PDE1C: variants seen among roughly 807,000 people sequenced by gnomAD.
PDE1C encodes the protein phosphodiesterase 1C.
PDE1C carries 62 observed loss-of-function variants against 93.1 expected under a neutral mutation model. That is an observed-to-expected ratio of 0.67 (90% CI 0.54 to 0.82). The LOEUF is 0.82. PDE1C is among the 40% of genes least tolerant of loss of function. The pLI, the probability that PDE1C is intolerant of heterozygous loss-of-function variation, is 0.00. For synonymous variants in PDE1C, 325 were observed against 310.1 expected (o/e 1.05, Z -0.50); for missense variants, 742 against 884.6 (o/e 0.84, Z 2.04).
At chr7:32,171,738 A>G (rs1016566410) in intron 2 of PDE1C, among the ~76,000 whole-genome samples, 2 of 151,244 alleles carry the variant, frequency 1.3e-5, no homozygotes, top group Non-Finnish European at 2.9e-5. Context: ...TGACAATACT[A>G]CATCATTTTA....
At chr7:32,112,451 T>C (rs1798694039) in intron 3 of PDE1C, among the ~76,000 whole-genome samples, 1 of 152,116 alleles carries the variant, frequency 6.6e-6, no homozygotes, top group South Asian at 2.1e-4. Context: ...AACCTAATTT[T>C]AGTTTTCTTT....
chr7:32,093,531 C>A (rs966198528), intron 3 of PDE1C, among the ~76,000 whole-genome samples: 1 of 152,184 alleles, frequency 6.6e-6, no homozygotes, highest in Non-Finnish European at 1.5e-5. Flanking sequence ...GATTCAACTG[C>A]TTAGAAATGT....
At chr7:31,717,181 A>G in the PDE1C span, among the ~76,000 whole-genome samples, 1 of 152,234 alleles carries the variant, frequency 6.6e-6, no homozygotes, top group Admixed American at 6.5e-5. Flanking sequence ...TCAATTCTCA[A>G]TGCCTCTAAA....
At chr7:32,071,195 G>A, upstream of PDE1C, 2 of 985,438 alleles carry the variant, frequency 2.0e-6, no homozygotes, top group East Asian at 2.3e-4. Context: ...GTGGGCTTCC[G>A]GAACCCTCAC....
chr7:31,865,669 G>T (rs1159750531), intron 6 of PDE1C, among the ~76,000 whole-genome samples: 1 of 152,062 alleles, frequency 6.6e-6, no homozygotes. Flanking sequence ...ACAAACATAA[G>T]AACATAGCCT....
intron 1 of PDE1C, among the ~76,000 whole-genome samples, chr7:32,372,552 C>A (rs368881086): frequency 1.3e-5 from 2 of 152,124 alleles, no homozygotes; most frequent in Non-Finnish European, 2.9e-5. Context: ...ATAAGTAAAT[C>A]TTTGTGATTT....
At chr7:32,057,906 C>T (rs1004937131) in intron 1 of PDE1C, among the ~76,000 whole-genome samples, 4 of 152,082 alleles carry the variant, frequency 2.6e-5, no homozygotes, top group African/African-American at 9.7e-5. Flanking sequence ...GTCGATTAAA[C>T]ATTGATGCTA....
intron 2 of PDE1C, among the ~76,000 whole-genome samples, chr7:31,943,747 C>T (rs1400415952): frequency 6.6e-6 from 1 of 152,108 alleles, no homozygotes; most frequent in Non-Finnish European, 1.5e-5. Flanking sequence ...GAATCTAAAA[C>T]TCTGCATTTT....
At chr7:31,997,825 G>C (rs55939176) in intron 2 of PDE1C, among the ~76,000 whole-genome samples, 5,967 of 152,108 alleles carry the variant, frequency 0.039, 411 homozygotes, top group African/African-American at 0.14. Flanking sequence ...ACGTACATGT[G>C]ACCCTCTCAA....
chr7:31,825,867 T>C (rs1414519782), intron 12 of PDE1C, among the ~76,000 whole-genome samples: 2 of 150,658 alleles, frequency 1.3e-5, no homozygotes, highest in Non-Finnish European at 2.9e-5. Flanking sequence ...GAAAAGACAA[T>C]GGGCTCAGTT....
At chr7:32,358,881 T>TTGTGTGTGTGTGTGTGTGTGTG (rs66808716) in intron 1 of PDE1C, among the ~76,000 whole-genome samples, 4 of 147,568 alleles carry the variant, frequency 2.7e-5, no homozygotes, top group Non-Finnish European at 6.0e-5. Context: ...TCATCTAACA[T>TTGTGTGTGTGTGTGTGTGTGTG]TGTGTGTGTG....
At chr7:32,309,276 G>C (rs534467943) in intron 1 of PDE1C, among the ~76,000 whole-genome samples, 101 of 152,210 alleles carry the variant, frequency 6.6e-4, no homozygotes, top group Non-Finnish European at 1.2e-3. Context: ...CGTCTGATTG[G>C]TGTACCTGAA....
intron 3 of PDE1C, among the ~76,000 whole-genome samples, chr7:32,090,794 G>A (rs1455560492): frequency 6.6e-6 from 1 of 152,156 alleles, no homozygotes; most frequent in African/African-American, 2.4e-5. Flanking sequence ...GGACCCTCCT[G>A]GAGACCATCC....
intron 2 of PDE1C, among the ~76,000 whole-genome samples, chr7:32,184,982 A>G (rs1803739458): frequency 6.6e-6 from 1 of 151,964 alleles, no homozygotes; most frequent in South Asian, 2.1e-4. Context: ...GTAGTGGCGC[A>G]TGCCTATAAT....
At chr7:31,617,243 A>G in the PDE1C span, among the ~76,000 whole-genome samples, 1 of 152,204 alleles carries the variant, frequency 6.6e-6, no homozygotes, top group Admixed American at 6.5e-5. Flanking sequence ...TGTTCTAATT[A>G]GAATGGAGAT....
At chr7:32,005,504 C>T (rs529611746) in intron 2 of PDE1C, among the ~76,000 whole-genome samples, 3 of 137,734 alleles carry the variant, frequency 2.2e-5, no homozygotes, top group South Asian at 2.3e-4. Flanking sequence ...TGCAGTGAGC[C>T]GAGATCGCAC....
chr7:32,377,618 A>T (rs1290000655), intron 1 of PDE1C, among the ~76,000 whole-genome samples: 1 of 152,182 alleles, frequency 6.6e-6, no homozygotes, highest in Non-Finnish European at 1.5e-5. Flanking sequence ...CCCTATTCTA[A>T]GTGCTTTATA....
Position 32,108,161 on chromosome 7 carries a change from C to G in PDE1C, c.308+61624G>C, listed in dbSNP as rs184348830. ...TTAATCCAACTATCTCAGTAATCAC[C>G]TTAAAAGTGAGTGACTTAAATATGC... is the stretch of plus-strand genomic sequence containing the variant. On this transcript the variant is annotated intron_variant, in intron 3 of 18. Transcript: ENST00000396193. Among the ~76,000 whole-genome samples, 17 of 137,974 alleles carry G rather than the reference C, an allele frequency of 1.2e-4. No homozygotes were observed. The East Asian group carries it at 3.2e-3, about 26-fold the overall frequency. 90.5% of individuals were successfully genotyped at this position (137,974 alleles called of 152,430 possible). A position where few individuals can be genotyped will look rare whatever the true frequency, so the allele number is the denominator to read the frequency against.
At chr7:31,653,091 A>G in the PDE1C span, 2 of 759,242 alleles carry the variant, frequency 2.6e-6, no homozygotes, top group Admixed American at 3.5e-5. Context: ...CCCTGCTAGA[A>G]CTTACAGTGT....
Sources: allele counts gnomAD v4.1 joint callset (sites outside exome capture counted in the v4.1 genomes callset), GRCh38; gene constraint gnomAD v4.1.1; transcripts MANE v1.5; gene names NCBI Gene and HGNC (gene_info 2026-07-23, HGNC 2026-07-21).